The following PXDNL variants were observed in gnomAD, a reference collection of about 807,000 sequenced individuals.
The protein encoded by PXDNL is probable oxidoreductase PXDNL.
In PXDNL, 145 loss-of-function variants were observed where a neutral mutation model predicts 150.8. The observed-to-expected ratio is 0.96, with a 90% CI of 0.84 to 1.10. PXDNL has a LOEUF of 1.10. PXDNL is among the 50% of genes least tolerant of loss of function. PXDNL has a pLI of 0.00. For synonymous variants in PXDNL, 757 were observed against 725.7 expected (o/e 1.04, Z -0.69); for missense variants, 2,087 against 1,873.9 (o/e 1.11, Z -2.10).
In PXDNL at chr8:51,409,490, G is replaced by A. The variant is rs986221061; in HGVS notation, c.2134C>T (p.Arg712Cys). ...TTGGAGCAGTTTGGCAGAGGCCTGC[G>A]AGCTGTGCATCCAGATAAATTGGCG... ...LIANLSGCTA[R>C]RPLPNCSNRC... The change falls in exon 17 of 23, where the codon CGC becomes TGC. Residue 712 changes from arginine to cysteine, a missense_variant. Arg to Cys is a radical substitution (Grantham distance 180, BLOSUM62 -3). Coordinates refer to ENST00000356297, the MANE Select transcript of PXDNL (RefSeq NM_144651.5). The A allele has an allele frequency of 1.5e-5, 24 of 1,612,070 alleles. No individual in the cohort carries two copies. The highest frequency in any genetic ancestry group is 2.2e-5 in the East Asian group (1 of 44,728).
chr8:51,805,686 T>G (rs959521981), intron 1 of PXDNL, among the ~76,000 whole-genome samples: 5 of 152,164 alleles, frequency 3.3e-5, no homozygotes, highest in Non-Finnish European at 7.3e-5. Context: ...TGTTTAGAAT[T>G]TCACATTGTA....
At chr8:51,710,982 A>G (rs1182862311) in intron 1 of PXDNL, among the ~76,000 whole-genome samples, 1 of 152,216 alleles carries the variant, frequency 6.6e-6, no homozygotes, top group Non-Finnish European at 1.5e-5. Context: ...CACTCTCACC[A>G]TATGTGTTCA....
Position 51,408,393 on chromosome 8 carries a change from G to A in PXDNL, c.3231C>T (p.Gly1077=). 1 of 1,614,034 alleles carries A rather than the reference G, an allele frequency of 6.2e-7. No homozygotes were observed. Among genetic ancestry groups the A allele is most frequent in the Non-Finnish European group, 8.5e-7 (1 of 1,179,890 alleles). The change falls in exon 17 of 23, where the codon GGC becomes GGT. Residue 1077 remains glycine, a synonymous_variant. Transcript: ENST00000356297. ...LNATLGEISE[G]HLPFHKALFS... The stretch of plus-strand genomic sequence containing the variant: ...AGAGCGCTTTATGGAACGGAAGGTG[G>A]CCTTCGGAAATTTCACCTAAGGTGG...
chr8:51,577,922 G>C (rs1471091743), intron 3 of PXDNL, among the ~76,000 whole-genome samples: 1 of 80,372 alleles, frequency 1.2e-5, no homozygotes, highest in Admixed American at 1.6e-4. Context: ...AGAAAAGAAA[G>C]AAAAGAAAGA....
At chr8:51,691,161 C>T (rs1815989112) in intron 1 of PXDNL, among the ~76,000 whole-genome samples, 1 of 152,110 alleles carries the variant, frequency 6.6e-6, no homozygotes, top group African/African-American at 2.4e-5. Context: ...TGTGCAGAAG[C>T]TCTTTAGTTT....
intron 1 of PXDNL, among the ~76,000 whole-genome samples, chr8:51,722,672 C>G (rs1412726290): frequency 6.6e-6 from 1 of 152,124 alleles, no homozygotes; most frequent in African/African-American, 2.4e-5. Flanking sequence ...CTCCAACTGT[C>G]CCCAGCCAAA....
chr8:51,321,863 T>C, intron 21 of PXDNL, among the ~76,000 whole-genome samples: 1 of 152,194 alleles, frequency 6.6e-6, no homozygotes, highest in East Asian at 1.9e-4. Context: ...AGGGGATGCC[T>C]GATATTATGG....
At chr8:51,765,841 T>C (rs1407483679) in intron 1 of PXDNL, among the ~76,000 whole-genome samples, 2 of 106,962 alleles carry the variant, frequency 1.9e-5, no homozygotes, top group Non-Finnish European at 3.6e-5. Context: ...TTAATTCCCC[T>C]GTTTATTCTT....
intron 2 of PXDNL, among the ~76,000 whole-genome samples, chr8:51,644,318 T>TATATATA (rs1814852884): frequency 3.2e-5 from 2 of 63,324 alleles, no homozygotes; most frequent in Non-Finnish European, 4.2e-5. Flanking sequence ...AGGCACATTT[T>TATATATA]TACATATATA....
At chr8:51,655,142 T>C (rs1227583190) in intron 1 of PXDNL, among the ~76,000 whole-genome samples, 1 of 152,220 alleles carries the variant, frequency 6.6e-6, no homozygotes, top group African/African-American at 2.4e-5. Context: ...ATATTAGATG[T>C]CACATATCAA....
At position 51,408,361 on chromosome 8, in the gene PXDNL, G is replaced by A. The variant is rs750386407; in HGVS notation, c.3263C>T (p.Pro1088Leu). The change falls in exon 17 of 23, where the codon CCG becomes CTG. Residue 1088 changes from proline to leucine, a missense_variant. Coordinates refer to ENST00000356297, the MANE Select transcript of PXDNL (RefSeq NM_144651.5). ...CCCACCTTCCTTGATTATTCTGGAC[G>A]GTGAAAAGAGCGCTTTATGGAACGG... is the stretch of plus-strand genomic sequence containing the variant. The part of the protein sequence containing the change: ...HLPFHKALFS[P>L]SRIIKEGGID... The A allele has an allele frequency of 2.2e-5, 36 of 1,613,908 alleles. No individual in the cohort carries two copies. Among genetic ancestry groups the A allele is most frequent in the East Asian group, 2.2e-5 (1 of 44,884 alleles).
chr8:51,634,477 C>T (rs10958285), intron 2 of PXDNL, among the ~76,000 whole-genome samples: 59,355 of 151,932 alleles, frequency 0.39, 14,329 homozygotes, highest in African/African-American at 0.69. Flanking sequence ...CATTTGGTTC[C>T]GTATTAATTT....
At chr8:51,639,129 A>C (rs1585639306) in intron 2 of PXDNL, among the ~76,000 whole-genome samples, 1 of 152,338 alleles carries the variant, frequency 6.6e-6, no homozygotes, top group Admixed American at 6.5e-5. Context: ...TGAAGGCAGA[A>C]ATAAAGATGT....
chr8:51,532,653 T>C (rs1455234955), intron 4 of PXDNL, among the ~76,000 whole-genome samples: 1 of 152,188 alleles, frequency 6.6e-6, no homozygotes, highest in African/African-American at 2.4e-5. Flanking sequence ...AAGCAGAATG[T>C]AAAGGCTTCA....
At chr8:51,577,963 GAA>G (rs1321282477) in intron 3 of PXDNL, among the ~76,000 whole-genome samples, 21 of 87,848 alleles carry the variant, frequency 2.4e-4, no homozygotes, top group Middle Eastern at 6.1e-3. Flanking sequence ...AAGAAAGAAA[GAA>G]AGAAAGAAAG....
intron 14 of PXDNL, among the ~76,000 whole-genome samples, chr8:51,416,349 A>G (rs1808800125): frequency 6.6e-6 from 1 of 152,214 alleles, no homozygotes; most frequent in South Asian, 2.1e-4. Flanking sequence ...GGAAACCATC[A>G]TTTAATATGT....
chr8:51,446,359 A>G (rs140685662), intron 12 of PXDNL, among the ~76,000 whole-genome samples: 57 of 152,364 alleles, frequency 3.7e-4, no homozygotes, highest in African/African-American at 1.3e-3. Flanking sequence ...GGTGCTATGC[A>G]TTTTGTAATT....
intron 8 of PXDNL, among the ~76,000 whole-genome samples, chr8:51,469,779 T>C (rs1810283653): frequency 6.6e-6 from 1 of 152,132 alleles, no homozygotes; most frequent in African/African-American, 2.4e-5. Context: ...ATTATCTTTC[T>C]ATAAAAAATA....
chr8:51,337,231 A>G (rs1329616457), intron 21 of PXDNL, among the ~76,000 whole-genome samples: 1 of 152,248 alleles, frequency 6.6e-6, no homozygotes, highest in Non-Finnish European at 1.5e-5. Context: ...AGCACATATC[A>G]AATACACAAT....
Sources: allele counts gnomAD v4.1 joint callset (sites outside exome capture counted in the v4.1 genomes callset), GRCh38; gene constraint gnomAD v4.1.1; transcripts MANE v1.5; gene names NCBI Gene and HGNC (gene_info 2026-07-23, HGNC 2026-07-21).